DPP6: variants seen among roughly 807,000 people sequenced by gnomAD.
DPP6 encodes the protein A-type potassium channel modulatory protein DPP6.
In DPP6, 69 loss-of-function variants were observed where a neutral mutation model predicts 122.6. The ratio of observed to expected loss-of-function variants is 0.56; its 90% CI spans 0.46 to 0.69. DPP6 has a LOEUF of 0.69. Among genes scored for constraint, DPP6 ranks in the 30% least tolerant of loss-of-function variants. The pLI is 0.00. For missense variants in DPP6, 928 were observed against 1,116.9 expected (o/e 0.83, Z 2.41); for synonymous variants, 418 against 433.1 (o/e 0.97, Z 0.43).
chr7:154,516,997 C>T (rs543971449), intron 3 of DPP6, among the ~76,000 whole-genome samples: 1 of 152,268 alleles, frequency 6.6e-6, no homozygotes, highest in South Asian at 2.1e-4. Flanking sequence ...TTGAAATCCT[C>T]ATTATGTGTT....
intron 1 of DPP6, among the ~76,000 whole-genome samples, chr7:153,947,303 C>T (rs2129019292): frequency 6.6e-6 from 1 of 152,176 alleles, no homozygotes; most frequent in East Asian, 1.9e-4. Flanking sequence ...GCCTGTAGGT[C>T]TGAAGTCAGA....
intron 2 of DPP6, among the ~76,000 whole-genome samples, chr7:154,470,732 A>G (rs762626529): frequency 1.1e-4 from 17 of 152,178 alleles, no homozygotes; most frequent in African/African-American, 2.9e-4. Context: ...TTGAAGTGCC[A>G]TGGAGTTTTC....
At position 154,576,643 on chromosome 7, in the gene DPP6, A is replaced by G. The variant is rs962298167; in HGVS notation, c.627+9727A>G. ...GAGTGGGCCAGTTTGAGGGAGTGTG[A>G]TCTGGAGACAGAATGCAAGAGCGGT... On this transcript the variant is annotated intron_variant, in intron 5 of 25. Coordinates refer to ENST00000377770, the MANE Select transcript of DPP6 (RefSeq NM_130797.4). 4.6e-3 allele frequency among the ~76,000 whole-genome samples: 695 copies of G among 152,204 alleles called. 7 individuals carry two copies. Among genetic ancestry groups the G allele is most frequent in the African/African-American group, 0.016 (663 of 41,522 alleles).
chr7:154,299,211 C>T (rs879851593), intron 1 of DPP6, among the ~76,000 whole-genome samples: 1 of 152,334 alleles, frequency 6.6e-6, no homozygotes, highest in Non-Finnish European at 1.5e-5. Flanking sequence ...GGGGTGCTGG[C>T]GTTGGGTTGC....
intron 7 of DPP6, among the ~76,000 whole-genome samples, chr7:154,675,312 A>C (rs1350094453): frequency 6.6e-6 from 1 of 152,166 alleles, no homozygotes; most frequent in Non-Finnish European, 1.5e-5. Context: ...CCTATGTAAC[A>C]AACCTACACG....
intron 1 of DPP6, chr7:154,305,180 C>A (rs1171189831): frequency 3.0e-6 from 3 of 1,001,704 alleles, no homozygotes; most frequent in Non-Finnish European, 3.6e-6. Context: ...CTTCCTGCAC[C>A]CAGCCGCCAC....
chr7:154,746,444 C>T (rs1157317672), intron 8 of DPP6, among the ~76,000 whole-genome samples: 4 of 152,132 alleles, frequency 2.6e-5, no homozygotes, highest in African/African-American at 2.4e-5. Flanking sequence ...GTCCTTCCAT[C>T]GTGAGGTCTG....
rs1324061171 is a variant in DPP6, at chr7:154,054,740, C to T, written c.243+1677C>T. Among the ~76,000 whole-genome samples the T allele has an allele frequency of 4.0e-5, 6 of 150,106 alleles. 1 individual carries two copies. In the South Asian group the frequency reaches 1.3e-3, roughly 33 times the overall value. The stretch of plus-strand genomic sequence containing the variant: ...GAGAATCTTGGGGAAGACAGTTAAG[C>T]TGCAATGCAAACAGGAAAAATGTAC... On this transcript the variant is annotated intron_variant, in intron 1 of 25. Transcript: ENST00000377770.
chr7:154,864,319 A>C (rs1803674927), intron 17 of DPP6, among the ~76,000 whole-genome samples: 1 of 152,176 alleles, frequency 6.6e-6, no homozygotes, highest in Admixed American at 6.5e-5. Flanking sequence ...GCCACTTGGA[A>C]GCATGTCTTG....
chr7:154,776,112 C>T (rs928258256), intron 10 of DPP6, among the ~76,000 whole-genome samples: 2 of 151,778 alleles, frequency 1.3e-5, no homozygotes, highest in Admixed American at 6.6e-5. Context: ...GCCACGTACC[C>T]GCTGCTCCCA....
chr7:153,785,788 G>A, the DPP6 span, among the ~76,000 whole-genome samples: 2 of 152,062 alleles, frequency 1.3e-5, no homozygotes, highest in Non-Finnish European at 2.9e-5. Context: ...TAGTACCTGG[G>A]ACTACTGGTG....
chr7:154,794,045 G>A, intron 10 of DPP6, 34 bp from the exon 11 acceptor site: 1 of 1,602,876 alleles, frequency 6.2e-7, no homozygotes, highest in Non-Finnish European at 8.5e-7. Context: ...CGGGGGTCCT[G>A]CCAAGCTGCT....
chr7:154,286,222 A>G (rs1804841438), intron 1 of DPP6, among the ~76,000 whole-genome samples: 1 of 152,114 alleles, frequency 6.6e-6, no homozygotes, highest in Non-Finnish European at 1.5e-5. Context: ...AGCTGAGGAA[A>G]AGAAAAATTG....
chr7:153,977,088 A>C (rs984921556), intron 1 of DPP6, among the ~76,000 whole-genome samples: 2 of 152,170 alleles, frequency 1.3e-5, no homozygotes, highest in African/African-American at 4.8e-5. Flanking sequence ...CCTTAAATAC[A>C]GAAATCTTCA....
chr7:154,694,189 G>A (rs907130759), intron 7 of DPP6, among the ~76,000 whole-genome samples: 8 of 152,102 alleles, frequency 5.3e-5, no homozygotes, highest in South Asian at 2.1e-4. Context: ...AATCTCATTC[G>A]TGAGCGTTCT....
chr7:153,833,417 T>A, the DPP6 span, among the ~76,000 whole-genome samples: 1 of 152,224 alleles, frequency 6.6e-6, no homozygotes. Context: ...CCCACACCTG[T>A]AATCCCAGCA....
chr7:154,072,598 G>A (rs1234967827), intron 1 of DPP6, among the ~76,000 whole-genome samples: 1 of 152,294 alleles, frequency 6.6e-6, no homozygotes, highest in Non-Finnish European at 1.5e-5. Flanking sequence ...CTGGCAGAGA[G>A]CAGGTAGCTG....
At chr7:153,883,039 A>C (rs181564175), upstream of DPP6, among the ~76,000 whole-genome samples, 170 of 152,342 alleles carry the variant, frequency 1.1e-3, no homozygotes, top group Non-Finnish European at 2.2e-3. Flanking sequence ...TACAACTGCA[A>C]AACCTAGACA....
At chr7:154,408,997 G>A (rs551928265) in intron 1 of DPP6, among the ~76,000 whole-genome samples, 6 of 152,142 alleles carry the variant, frequency 3.9e-5, no homozygotes, top group African/African-American at 1.4e-4. Flanking sequence ...AAAAAAATTA[G>A]CCAGGTGGTA....
Sources: gnomAD v4.1 joint callset for allele counts (sites outside exome capture counted in the v4.1 genomes callset) on GRCh38, gnomAD v4.1.1 for gene constraint, MANE v1.5 for transcripts, NCBI Gene and HGNC (gene_info 2026-07-23, HGNC 2026-07-21) for gene names.